The following ADGB variants were observed in gnomAD, a reference collection of about 807,000 sequenced individuals.
ADGB encodes androglobin.
A neutral mutation model predicts 210.5 loss-of-function variants in ADGB; 172 were observed. The ratio of observed to expected loss-of-function variants is 0.82; its 90% confidence interval spans 0.72 to 0.93. ADGB has a LOEUF of 0.93. Among genes scored for constraint, ADGB ranks in the 40% least tolerant of loss-of-function variants. The probability of loss-of-function intolerance (pLI) is 0.00; values close to 1 mark genes in which losing one functional copy is unlikely to be tolerated. For missense variants in ADGB, 2,025 were observed against 1,964.8 expected (o/e 1.03, Z -0.58); for synonymous variants, 658 against 662.7 (o/e 0.99, Z 0.11).
chr6:146,770,503 G>A (rs1777634430), intron 29 of ADGB: 1 of 439,632 alleles, frequency 2.3e-6, no homozygotes, highest in African/African-American at 2.0e-5. Flanking sequence ...TCATTGGGCA[G>A]GGATGTGTTC....
chr6:146,632,991 A>G (rs1195789589), intron 1 of ADGB, among the ~76,000 whole-genome samples: 1 of 152,106 alleles, frequency 6.6e-6, no homozygotes, highest in African/African-American at 2.4e-5. Context: ...CTAGATGCTG[A>G]TGACTCTCAA....
chr6:146,702,073 A>G (rs986482834), intron 13 of ADGB, among the ~76,000 whole-genome samples: 3 of 151,940 alleles, frequency 2.0e-5, no homozygotes, highest in Admixed American at 2.0e-4. Context: ...TCAAACATGT[A>G]ATGTCTTTCT....
Position 146,600,477 on chromosome 6 carries a change from AGCT to A in ADGB, c.74+1364_74+1366del, listed in dbSNP as rs572849156. On this transcript the variant is annotated intron_variant, in intron 1 of 35. Coordinates refer to ENST00000397944, the MANE Select transcript of ADGB (RefSeq NM_024694.4). ...GCACTTGCTGTTTCCCCTATTGGAA[AGCT>A]TTTCTGCTCAAATATCCATATGGTT... The A allele has an allele frequency of 6.6e-3, 1,029 of 155,898 alleles. 11 individuals carry two copies. The highest frequency in any genetic ancestry group is 0.023 in the African/African-American group (965 of 41,632). 9.7% of individuals were successfully genotyped at this position (155,898 alleles called of 1,614,324 possible). A position where few individuals can be genotyped will look rare whatever the true frequency, so the allele number is the denominator to read the frequency against.
intron 13 of ADGB, among the ~76,000 whole-genome samples, chr6:146,704,675 G>T (rs1332659187): frequency 6.6e-6 from 1 of 151,982 alleles, no homozygotes; most frequent in Non-Finnish European, 1.5e-5. Flanking sequence ...TGCTGTTTGG[G>T]TTACTATAGC....
intron 16 of ADGB, among the ~76,000 whole-genome samples, chr6:146,718,463 C>T (rs185698799): frequency 8.1e-4 from 123 of 152,184 alleles, no homozygotes; most frequent in Middle Eastern, 3.4e-3. Context: ...CCATTCTTCC[C>T]CCTACTTACT....
At chr6:146,658,417 G>A (rs941894267) in intron 5 of ADGB, among the ~76,000 whole-genome samples, 2 of 152,128 alleles carry the variant, frequency 1.3e-5, no homozygotes, top group African/African-American at 4.8e-5. Context: ...TGTTGAGGGA[G>A]TATAGAAAGA....
chr6:146,692,361 T>C (rs1209774759), intron 11 of ADGB, among the ~76,000 whole-genome samples: 1 of 152,212 alleles, frequency 6.6e-6, no homozygotes, highest in Non-Finnish European at 1.5e-5. Context: ...TGCTGCTTTC[T>C]TTTTACCTCA....
At chr6:146,629,504 G>A (rs1189487207) in intron 1 of ADGB, among the ~76,000 whole-genome samples, 1 of 152,192 alleles carries the variant, frequency 6.6e-6, no homozygotes, top group Non-Finnish European at 1.5e-5. Flanking sequence ...TAGCTTCAAG[G>A]AGGGAGCTGG....
intron 27 of ADGB, among the ~76,000 whole-genome samples, chr6:146,760,184 T>C (rs1325758048): frequency 6.6e-6 from 1 of 151,798 alleles, no homozygotes; most frequent in African/African-American, 2.4e-5. Context: ...AGTACATACT[T>C]TAGTATGACC....
At chr6:146,737,164 A>G (rs1263050615) in intron 23 of ADGB, among the ~76,000 whole-genome samples, 2 of 152,118 alleles carry the variant, frequency 1.3e-5, no homozygotes, top group African/African-American at 4.8e-5. Flanking sequence ...AAACCTCTAA[A>G]CATGACTGTT....
At chr6:146,623,571 T>C (rs1181809972) in intron 1 of ADGB, among the ~76,000 whole-genome samples, 1 of 151,956 alleles carries the variant, frequency 6.6e-6, no homozygotes, top group African/African-American at 2.4e-5. Context: ...AACTCACTTA[T>C]CATTTATGAA....
At chr6:146,713,767 A>G (rs2114561199) in intron 13 of ADGB, among the ~76,000 whole-genome samples, 1 of 151,784 alleles carries the variant, frequency 6.6e-6, no homozygotes, top group South Asian at 2.1e-4. Context: ...TGCTCAACTT[A>G]CCTATTTTTT....
At chr6:146,679,423 T>G (rs1369656016) in intron 9 of ADGB, among the ~76,000 whole-genome samples, 1 of 152,150 alleles carries the variant, frequency 6.6e-6, no homozygotes, top group Non-Finnish European at 1.5e-5. Flanking sequence ...CATTCACATC[T>G]CTCATCTACT....
chr6:146,631,680 C>A (rs1232411208), intron 1 of ADGB, among the ~76,000 whole-genome samples: 3 of 152,052 alleles, frequency 2.0e-5, no homozygotes, highest in South Asian at 4.2e-4. Context: ...ATCCAATGTT[C>A]CTACCACAGT....
Position 146,733,935 on chromosome 6 carries a change from A to C in ADGB, c.2699A>C (p.Lys900Thr), listed in dbSNP as rs1465548008. The change falls in exon 22 of 36, where the codon AAA (lysine) becomes ACA (threonine). Residue 900 changes from lysine to threonine, a missense_variant. Lys to Thr is a moderately conservative substitution (Grantham distance 78). Coordinates refer to ENST00000397944, the MANE Select transcript of ADGB (RefSeq NM_024694.4). ...AAATATTGTATGCCCACAAGTGATA[A>C]AGAGTATTCTGCTGAGGAAGTAGCA... ...DVKYCMPTSDKEYSAEEVAAA... is the reference protein window; with the variant it reads ...DVKYCMPTSDTEYSAEEVAAA... 4.5e-6 allele frequency: 7 copies of C among 1,551,588 alleles called. No homozygotes were observed. Among genetic ancestry groups the C allele is most frequent in the Non-Finnish European group, 6.1e-6 (7 of 1,146,984 alleles).
chr6:146,674,069 T>G (rs763892904), intron 8 of ADGB, among the ~76,000 whole-genome samples: 4 of 152,168 alleles, frequency 2.6e-5, no homozygotes, highest in African/African-American at 7.2e-5. Context: ...GAAAAAGTGT[T>G]GCAGGAACCA....
intron 2 of ADGB, among the ~76,000 whole-genome samples, chr6:146,637,077 G>C (rs1775434649): frequency 6.6e-6 from 1 of 151,954 alleles, no homozygotes; most frequent in Non-Finnish European, 1.5e-5. Context: ...ACACTGATAA[G>C]AAAAATAATG....
intron 19 of ADGB, among the ~76,000 whole-genome samples, chr6:146,728,108 A>C (rs1452831978): frequency 6.6e-6 from 1 of 152,170 alleles, no homozygotes; most frequent in Non-Finnish European, 1.5e-5. Flanking sequence ...TTTAAAAATT[A>C]GTTACTTCCT....
intron 26 of ADGB, among the ~76,000 whole-genome samples, chr6:146,747,469 G>T (rs2114606405): frequency 6.6e-6 from 1 of 152,238 alleles, no homozygotes; most frequent in African/African-American, 2.4e-5. Context: ...AGGTGAAGAG[G>T]GAGCTGCTTA....
Sources: allele counts gnomAD v4.1 joint callset (sites outside exome capture counted in the v4.1 genomes callset), GRCh38; gene constraint gnomAD v4.1.1; transcripts MANE v1.5; gene names NCBI Gene and HGNC (gene_info 2026-07-23, HGNC 2026-07-21).